Variants in THSD7B observed in about 807,000 individuals in gnomAD.
THSD7B encodes the protein thrombospondin type-1 domain-containing protein 7B.
In THSD7B, 138 loss-of-function variants were observed where a neutral mutation model predicts 213.6. The observed-to-expected ratio is 0.65, with a 90% CI of 0.56 to 0.74. The LOEUF (loss-of-function observed/expected upper bound fraction) is 0.74, where lower values mean the gene tolerates loss of function less well. Among genes scored for constraint, THSD7B ranks in the 30% least tolerant of loss-of-function variants. The pLI, the probability that THSD7B is intolerant of heterozygous loss-of-function variation, is 0.00. For missense variants in THSD7B, 1,931 were observed against 1,991.5 expected, an observed-to-expected ratio of 0.97 and a Z score of 0.58; for synonymous variants, 742 against 687.0, an observed-to-expected ratio of 1.08 and a Z score of -1.25.
At chr2:136,994,292 C>T (rs79401546) in intron 2 of THSD7B, among the ~76,000 whole-genome samples, 8,054 of 152,234 alleles carry the variant, frequency 0.053, 294 homozygotes, top group East Asian at 0.12. Context: ...TAGGGCCGGG[C>T]GCGGTGGCTC....
chr2:137,550,993 G>C (rs1680836127), intron 15 of THSD7B, among the ~76,000 whole-genome samples: 1 of 151,228 alleles, frequency 6.6e-6, no homozygotes, highest in Admixed American at 6.6e-5. Flanking sequence ...TAAAATGAAA[G>C]TTAAAATATT....
intron 12 of THSD7B, among the ~76,000 whole-genome samples, chr2:137,384,686 C>T (rs572494318): frequency 2.0e-5 from 3 of 152,244 alleles, no homozygotes; most frequent in East Asian, 3.9e-4. Context: ...ATCTTACAGT[C>T]GTGGCCTAGA....
chr2:137,578,148 T>A (rs1344742578), intron 17 of THSD7B, among the ~76,000 whole-genome samples: 1 of 152,194 alleles, frequency 6.6e-6, no homozygotes, highest in Non-Finnish European at 1.5e-5. Context: ...AGGCACTTTC[T>A]GAATGGTGAT....
At chr2:136,987,367 G>A (rs532892698) in intron 2 of THSD7B, among the ~76,000 whole-genome samples, 113 of 152,256 alleles carry the variant, frequency 7.4e-4, no homozygotes, top group Non-Finnish European at 1.2e-3. Context: ...CTGCCTTGAT[G>A]AATGGAATAC....
chr2:137,450,166 A>T (rs1442944316), intron 14 of THSD7B, among the ~76,000 whole-genome samples: 1 of 152,192 alleles, frequency 6.6e-6, no homozygotes, highest in East Asian at 1.9e-4. Flanking sequence ...GGTAGTGATT[A>T]TTAGAGGTGA....
chr2:137,316,958 G>T (rs1446078293), intron 12 of THSD7B, among the ~76,000 whole-genome samples: 2 of 152,042 alleles, frequency 1.3e-5, no homozygotes, highest in Non-Finnish European at 2.9e-5. Context: ...GGTAGGTTCT[G>T]ACATAATCTG....
At chr2:137,078,941 TA>T (rs1283230729) in intron 3 of THSD7B, among the ~76,000 whole-genome samples, 1 of 152,218 alleles carries the variant, frequency 6.6e-6, no homozygotes, top group East Asian at 1.9e-4. Flanking sequence ...ATTCTGGTTT[TA>T]TTGCATTGTA....
rs149050214 is a variant in THSD7B, at chr2:136,946,336, C to T, written c.139+64019C>T. 3.4e-4 allele frequency among the ~76,000 whole-genome samples: 52 copies of T among 152,186 alleles called. 1 individual carries two copies. In the East Asian group the frequency reaches 9.7e-3, roughly 28 times the overall value. ...TTGCAGAACAACAAATATTGCTGCC[C>T]GATCCTTCCTCTGGAAGGTTCATCC... On this transcript the variant is annotated intron_variant, in intron 2 of 27. Coordinates refer to ENST00000409968, the MANE Select transcript of THSD7B (RefSeq NM_001316349.2).
chr2:137,074,966 G>T (rs1242515368), intron 3 of THSD7B, among the ~76,000 whole-genome samples: 1 of 152,200 alleles, frequency 6.6e-6, no homozygotes. Context: ...CTGTTAGGCT[G>T]ATGGGCTTCC....
At chr2:137,319,500 A>G (rs574009516) in intron 12 of THSD7B, among the ~76,000 whole-genome samples, 38 of 152,170 alleles carry the variant, frequency 2.5e-4, no homozygotes, top group Non-Finnish European at 4.4e-4. Context: ...GTGTCACACT[A>G]TTTATGTTCC....
In THSD7B at chr2:136,891,844, C is replaced by A. The variant is rs1485002064; in HGVS notation, c.139+9527C>A. 2.0e-5 allele frequency among the ~76,000 whole-genome samples: 3 copies of A among 152,146 alleles called. No individual in the cohort carries two copies. In the East Asian group the frequency reaches 5.8e-4, roughly 29 times the overall value. Reference sequence around the variant, plus strand: ...ATAGTGATTTAAAACAGTAACACACCAATTTTGTTCACACATCAGTGGGTC... The same window carrying A: ...ATAGTGATTTAAAACAGTAACACACAAATTTTGTTCACACATCAGTGGGTC... On this transcript the variant is annotated intron_variant, in intron 2 of 27. Coordinates refer to ENST00000409968, the MANE Select transcript of THSD7B (RefSeq NM_001316349.2).
intron 12 of THSD7B, among the ~76,000 whole-genome samples, chr2:137,329,951 A>T (rs2104891358): frequency 6.6e-6 from 1 of 152,282 alleles, no homozygotes; most frequent in East Asian, 1.9e-4. Context: ...CTCCTGCTGT[A>T]TGCAGTCTTG....
chr2:137,193,717 G>T (rs1454310493), intron 7 of THSD7B, among the ~76,000 whole-genome samples: 1 of 151,842 alleles, frequency 6.6e-6, no homozygotes, highest in Non-Finnish European at 1.5e-5. Flanking sequence ...ATAAAATCAA[G>T]AATTTGTTGT....
At chr2:136,890,453 T>C (rs1457011079) in intron 2 of THSD7B, among the ~76,000 whole-genome samples, 2 of 2,144 alleles carry the variant, frequency 9.3e-4, no homozygotes, top group Admixed American at 0.012. Context: ...TTCTTCTTCT[T>C]CTTCTTCTCC....
At chr2:137,398,626 T>C (rs1014516032) in intron 12 of THSD7B, among the ~76,000 whole-genome samples, 20 of 152,014 alleles carry the variant, frequency 1.3e-4, no homozygotes, top group Non-Finnish European at 1.8e-4. Flanking sequence ...TGTTTGTCTG[T>C]GCCCTGCCCC....
At chr2:137,024,951 C>G (rs527499564) in intron 2 of THSD7B, among the ~76,000 whole-genome samples, 1 of 152,296 alleles carries the variant, frequency 6.6e-6, no homozygotes, top group African/African-American at 2.4e-5. Flanking sequence ...AGGGGCCCAC[C>G]ACTGTCTCAT....
At chr2:137,224,597 G>C (rs1681453491) in intron 7 of THSD7B, among the ~76,000 whole-genome samples, 1 of 152,172 alleles carries the variant, frequency 6.6e-6, no homozygotes, top group Non-Finnish European at 1.5e-5. Context: ...GGTTAAATAA[G>C]CTAATACTTG....
chr2:137,096,523 A>T (rs1213957210), intron 4 of THSD7B, among the ~76,000 whole-genome samples: 1 of 152,068 alleles, frequency 6.6e-6, no homozygotes, highest in African/African-American at 2.4e-5. Context: ...TGCTAAAATG[A>T]CCCCTTAGAT....
At chr2:137,531,186 G>C (rs1375358) in intron 15 of THSD7B, among the ~76,000 whole-genome samples, 84,600 of 151,738 alleles carry the variant, frequency 0.56, 24,244 homozygotes, top group South Asian at 0.69. Flanking sequence ...AGGCACACAC[G>C]CTGCTTCCTG....
Sources: allele counts gnomAD v4.1 joint callset (sites outside exome capture counted in the v4.1 genomes callset), GRCh38; gene constraint gnomAD v4.1.1; transcripts MANE v1.5; gene names NCBI Gene and HGNC (gene_info 2026-07-23, HGNC 2026-07-21).